The following SULF1 variants were observed in gnomAD, a reference collection of about 807,000 sequenced individuals.
SULF1 encodes extracellular sulfatase Sulf-1.
SULF1 carries 46 observed loss-of-function variants against 110.5 expected under a neutral mutation model. That is an observed-to-expected ratio of 0.42 (90% confidence interval 0.33 to 0.53). The LOEUF (loss-of-function observed/expected upper bound fraction) is 0.53, where lower values mean the gene tolerates loss of function less well. Among genes scored for constraint, SULF1 ranks in the 20% least tolerant of loss-of-function variants. The pLI is 0.12. For synonymous variants in SULF1, 371 were observed against 387.1 expected (o/e 0.96, Z 0.49); for missense variants, 941 against 1,094.2 (o/e 0.86, Z 1.98).
At chr8:69,554,112 A>G (rs10104141) in intron 3 of SULF1, among the ~76,000 whole-genome samples, 96,330 of 152,142 alleles carry the variant, frequency 0.63, 32,748 homozygotes, top group African/African-American at 0.9. Flanking sequence ...CCCATCATCC[A>G]GTTTAATTAT....
intron 3 of SULF1, among the ~76,000 whole-genome samples, chr8:69,540,551 T>C (rs1235193528): frequency 6.6e-6 from 1 of 152,186 alleles, no homozygotes; most frequent in Non-Finnish European, 1.5e-5. Context: ...TCCTTCCCTG[T>C]AGCAAGGCCA....
At chr8:69,569,369 A>G (rs933825262) in intron 5 of SULF1, among the ~76,000 whole-genome samples, 3 of 152,176 alleles carry the variant, frequency 2.0e-5, no homozygotes, top group African/African-American at 7.2e-5. Context: ...TATATATAAC[A>G]TATAAAAAAA....
chr8:69,612,795 C>A (rs1387530380), intron 13 of SULF1, among the ~76,000 whole-genome samples: 2 of 152,202 alleles, frequency 1.3e-5, no homozygotes, highest in Non-Finnish European at 2.9e-5. Flanking sequence ...TTCTCCCACT[C>A]TGTGGGTTGT....
At chr8:69,494,898 A>AG (rs1243147411) in intron 1 of SULF1, among the ~76,000 whole-genome samples, 1 of 151,912 alleles carries the variant, frequency 6.6e-6, no homozygotes, top group African/African-American at 2.4e-5. Context: ...AAAAAAAAAA[A>AG]AAAGAGAGAG....
intron 21 of SULF1, among the ~76,000 whole-genome samples, chr8:69,639,522 T>G (rs1394837192): frequency 3.9e-5 from 6 of 152,214 alleles, no homozygotes; most frequent in Non-Finnish European, 7.3e-5. Context: ...CTTTTCTGGT[T>G]AATGAAAATA....
chr8:69,583,892 G>A (rs922846530), intron 6 of SULF1, among the ~76,000 whole-genome samples: 1 of 152,168 alleles, frequency 6.6e-6, no homozygotes, highest in Non-Finnish European at 1.5e-5. Context: ...AATGGCATCT[G>A]CTCTGGCCTT....
At chr8:69,605,318 A>G (rs1808151703) in intron 13 of SULF1, among the ~76,000 whole-genome samples, 1 of 152,228 alleles carries the variant, frequency 6.6e-6, no homozygotes, top group Non-Finnish European at 1.5e-5. Flanking sequence ...CCCAAGAGAC[A>G]TGATAGGGCC....
At chr8:69,491,120 C>T (rs1809921134), upstream of SULF1, among the ~76,000 whole-genome samples, 1 of 152,178 alleles carries the variant, frequency 6.6e-6, no homozygotes, top group South Asian at 2.1e-4. Context: ...TGCATAGACA[C>T]ACCCCAAGTC....
In SULF1 at chr8:69,638,660, T is replaced by A. The variant is rs185633123; in HGVS notation, c.2427+16T>A. 9.9e-6 allele frequency: 16 copies of A among 1,612,018 alleles called. No homozygotes were observed. The African/African-American group carries it at 2.0e-4, about 20-fold the overall frequency. ...TCCTTATCAGGTAAGACAATATATG[T>A]TCATTTTATGAAGGTTGTTGAAAAT... On this transcript the variant is annotated intron_variant, in intron 20 of 22. Coordinates refer to ENST00000402687, the MANE Select transcript of SULF1 (RefSeq NM_001128205.2).
rs539341136 is a variant in SULF1 at position 69,499,830 on chromosome 8, G to A, written c.-228-2044G>A. Among the ~76,000 whole-genome samples the A allele has an allele frequency of 3.3e-5, 5 of 152,208 alleles. No homozygotes were observed. In the East Asian group the frequency reaches 9.7e-4, roughly 29 times the overall value. ...AGTGGTGTGATCATAGTTCACTGCA[G>A]CCTCAAACACCTGGGCTCAAGTAAT... On this transcript the variant is annotated intron_variant, in intron 2 of 22. Transcript: ENST00000402687.
chr8:69,631,994 A>G (rs975984613), intron 19 of SULF1, among the ~76,000 whole-genome samples: 15 of 152,234 alleles, frequency 9.9e-5, no homozygotes, highest in African/African-American at 1.4e-4. Flanking sequence ...ATAAAAAACC[A>G]TGTCTCTATG....
At chr8:69,598,948 G>A (rs1807566335) in intron 8 of SULF1, among the ~76,000 whole-genome samples, 1 of 152,192 alleles carries the variant, frequency 6.6e-6, no homozygotes, top group Admixed American at 6.5e-5. Context: ...AGAAGGCCAA[G>A]GATCCCAAAC....
rs371590039 is a variant in SULF1, at chr8:69,642,271, C to T, written c.2585+1430C>T. The stretch of plus-strand genomic sequence containing the variant: ...TGTTCGGCCCCTCTAACCTCCAGAG[C>T]TATGGTCTCAGATGCTTCCTTTTAG... On this transcript the variant is annotated intron_variant, in intron 22 of 22. Coordinates refer to ENST00000402687, the MANE Select transcript of SULF1 (RefSeq NM_001128205.2). The T allele has an allele frequency of 1.2e-4, 120 of 987,272 alleles. 1 individual carries two copies. The African/African-American group carries it at 1.6e-3, about 13-fold the overall frequency. 61.2% of individuals were successfully genotyped at this position (987,272 alleles called of 1,614,324 possible).
At chr8:69,597,743 A>G (rs1807454729) in intron 8 of SULF1, among the ~76,000 whole-genome samples, 1 of 152,194 alleles carries the variant, frequency 6.6e-6, no homozygotes, top group African/African-American at 2.4e-5. Flanking sequence ...TAAAAAAGTC[A>G]ACCAGATTTA....
intron 3 of SULF1, among the ~76,000 whole-genome samples, chr8:69,515,425 A>G (rs1402761675): frequency 6.6e-6 from 1 of 152,156 alleles, no homozygotes; most frequent in Admixed American, 6.5e-5. Flanking sequence ...CCAGGGCTGC[A>G]TAGAACAGTG....
rs561133446 is a variant in SULF1, at chr8:69,559,036, C to T, written c.-133-4503C>T. ...TATCTGAAAAGAAGGAAGTCGAATT[C>T]TTATTTCTGCTTCTACATTCAGTCT... On this transcript the variant is annotated intron_variant, in intron 3 of 22. Coordinates refer to ENST00000402687, the MANE Select transcript of SULF1 (RefSeq NM_001128205.2). 1.1e-4 allele frequency among the ~76,000 whole-genome samples: 17 copies of T among 152,266 alleles called. No homozygotes were observed. The South Asian group carries it at 3.5e-3, about 32-fold the overall frequency.
intron 3 of SULF1, among the ~76,000 whole-genome samples, chr8:69,515,296 C>A (rs1811853975): frequency 6.6e-6 from 1 of 152,212 alleles, no homozygotes; most frequent in Non-Finnish European, 1.5e-5. Context: ...AGGCCCAACA[C>A]CATGTGGAAG....
intron 2 of SULF1, among the ~76,000 whole-genome samples, chr8:69,498,702 A>C (rs543558451): frequency 7.1e-6 from 1 of 141,686 alleles, no homozygotes; most frequent in Non-Finnish European, 1.5e-5. Flanking sequence ...GGGAGATTAG[A>C]GTTTTAATAT....
At chr8:69,571,927 G>A (rs1023187509) in intron 5 of SULF1, among the ~76,000 whole-genome samples, 5 of 152,124 alleles carry the variant, frequency 3.3e-5, no homozygotes, top group African/African-American at 1.2e-4. Context: ...CCTGCACACC[G>A]TCATCTGTCT....
Sources: allele counts gnomAD v4.1 joint callset (sites outside exome capture counted in the v4.1 genomes callset), GRCh38; gene constraint gnomAD v4.1.1; transcripts MANE v1.5; gene names NCBI Gene and HGNC (gene_info 2026-07-23, HGNC 2026-07-21).